The following SMYD3 variants were observed in gnomAD, a reference collection of about 807,000 sequenced individuals.
SMYD3 encodes the protein SET and MYND domain containing 3.
SMYD3 carries 36 observed loss-of-function variants against 57.7 expected under a neutral mutation model. The ratio of observed to expected loss-of-function variants is 0.62; its 90% CI spans 0.48 to 0.82. The LOEUF (loss-of-function observed/expected upper bound fraction) is 0.82, where lower values mean the gene tolerates loss of function less well. Ranked by LOEUF, SMYD3 falls within the 40% of genes least tolerant of loss-of-function variation. The probability of loss-of-function intolerance (pLI) is 0.00; values close to 1 mark genes in which losing one functional copy is unlikely to be tolerated. For synonymous variants in SMYD3, 211 were observed against 195.0 expected (o/e 1.08, Z -0.68); for missense variants, 515 against 538.8 (o/e 0.96, Z 0.44).
At chr1:246,106,050 C>A (rs1337882459) in intron 5 of SMYD3, among the ~76,000 whole-genome samples, 4 of 152,204 alleles carry the variant, frequency 2.6e-5, no homozygotes, top group African/African-American at 9.6e-5. Context: ...AGCTGCCCAG[C>A]ATGCCAGTTT....
rs1215380931 is a variant in SMYD3, at chr1:245,930,160, G to A, written c.532-223C>T. ...TAAGTGCAGAAATACCAACCTCCTG[G>A]GAGAAAAAAAAAAAAAACAGACGGA... On this transcript the variant is annotated intron_variant, in intron 5 of 11. Transcript: ENST00000490107. 1.7e-5 allele frequency: 8 copies of A among 481,306 alleles called. No individual in the cohort carries two copies. In the African/African-American group the frequency reaches 1.9e-4, roughly 12 times the overall value. The allele number at this position is 481,306 out of a possible 1,614,324, so 29.8% of individuals were successfully genotyped here. A position where few individuals can be genotyped will look rare whatever the true frequency, so the allele number is the denominator to read the frequency against.
chr1:245,907,574 G>A (rs2148632128), intron 8 of SMYD3, among the ~76,000 whole-genome samples: 1 of 152,188 alleles, frequency 6.6e-6, no homozygotes, highest in Non-Finnish European at 1.5e-5. Context: ...GGAAAAAGAA[G>A]GGAATCAAAT....
chr1:246,478,369 T>C (rs890946877), intron 1 of SMYD3, among the ~76,000 whole-genome samples: 1 of 151,856 alleles, frequency 6.6e-6, no homozygotes, highest in African/African-American at 2.4e-5. Flanking sequence ...CTGTCCTCTG[T>C]CCTGGAGCTG....
At chr1:246,230,595 G>A (rs775138078) in intron 5 of SMYD3, among the ~76,000 whole-genome samples, 2 of 152,120 alleles carry the variant, frequency 1.3e-5, no homozygotes, top group African/African-American at 2.4e-5. Context: ...AAGTAACTAG[G>A]ACTACAGTCG....
intron 9 of SMYD3, 131 bp downstream of exon 9, chr1:245,863,668 C>T: frequency 1.3e-6 from 1 of 765,210 alleles, no homozygotes. Context: ...CGGCCTGTGA[C>T]CATGGAACAG....
intron 5 of SMYD3, among the ~76,000 whole-genome samples, chr1:246,003,568 C>T (rs936756501): frequency 6.6e-6 from 1 of 152,168 alleles, no homozygotes; most frequent in African/African-American, 2.4e-5. Flanking sequence ...TCTCTTCCCA[C>T]CCCATTTTGA....
intron 1 of SMYD3, among the ~76,000 whole-genome samples, chr1:246,503,819 C>G (rs574220303): frequency 6.6e-6 from 1 of 152,064 alleles, no homozygotes; most frequent in South Asian, 2.1e-4. Context: ...AAAAATTAGC[C>G]AGGCGTGGTC....
chr1:245,846,964 T>C (rs529043704), intron 10 of SMYD3, among the ~76,000 whole-genome samples: 1 of 152,306 alleles, frequency 6.6e-6, no homozygotes, highest in Admixed American at 6.5e-5. Context: ...CCATCATCTG[T>C]TTCCCTCTTT....
At chr1:246,317,001 A>T (rs1036499274) in intron 5 of SMYD3, among the ~76,000 whole-genome samples, 1 of 151,534 alleles carries the variant, frequency 6.6e-6, no homozygotes, top group African/African-American at 2.4e-5. Flanking sequence ...CTCAAAAAAT[A>T]AATAAATAAA....
At chr1:245,811,048 T>G (rs539058757) in intron 10 of SMYD3, among the ~76,000 whole-genome samples, 3 of 152,202 alleles carry the variant, frequency 2.0e-5, no homozygotes, top group African/African-American at 4.8e-5. Flanking sequence ...CATGGCTTCT[T>G]GCCTCTGAAA....
intron 5 of SMYD3, among the ~76,000 whole-genome samples, chr1:246,268,176 C>G (rs1468899748): frequency 6.6e-6 from 1 of 152,020 alleles, no homozygotes; most frequent in African/African-American, 2.4e-5. Context: ...GATGGGAGGT[C>G]GGCACAAGAT....
chr1:246,299,694 A>T (rs1246129773), intron 5 of SMYD3, among the ~76,000 whole-genome samples: 1 of 152,148 alleles, frequency 6.6e-6, no homozygotes, highest in African/African-American at 2.4e-5. Context: ...AAGAACATGG[A>T]TGGAACTGGA....
chr1:246,014,726 T>C (rs2059347205), intron 5 of SMYD3, among the ~76,000 whole-genome samples: 1 of 152,208 alleles, frequency 6.6e-6, no homozygotes, highest in Non-Finnish European at 1.5e-5. Flanking sequence ...CAGAATCCAG[T>C]GTTGGGGCTC....
chr1:246,296,604 T>C (rs921943502), intron 5 of SMYD3, among the ~76,000 whole-genome samples: 1 of 152,114 alleles, frequency 6.6e-6, no homozygotes, highest in African/African-American at 2.4e-5. Context: ...GCCTTGAACA[T>C]TGTGTGTAAT....
rs192491646 is a variant in SMYD3 at position 245,861,275 on chromosome 1, G to T, written c.901+2524C>A. ...ACTACAATTCACTCTGTTCCAGTAC[G>T]GAGCTGAGCTCTAGACCTAGCAGGG... On this transcript the variant is annotated intron_variant, in intron 9 of 11. Coordinates refer to ENST00000490107, the MANE Select transcript of SMYD3 (RefSeq NM_001167740.2). 3.9e-5 allele frequency among the ~76,000 whole-genome samples: 6 copies of T among 152,362 alleles called. No individual in the cohort carries two copies. The East Asian group carries it at 9.6e-4, about 24-fold the overall frequency.
intron 5 of SMYD3, among the ~76,000 whole-genome samples, chr1:246,041,709 T>A (rs904455726): frequency 6.6e-6 from 1 of 151,884 alleles, no homozygotes; most frequent in Non-Finnish European, 1.5e-5. Flanking sequence ...ATCAGAAAAA[T>A]CATGACTTCT....
intron 10 of SMYD3, among the ~76,000 whole-genome samples, chr1:245,765,077 C>CACACAAAAAAAAGAAAAAAAAA (rs554434672): frequency 7.8e-6 from 1 of 128,352 alleles, no homozygotes; most frequent in Admixed American, 8.4e-5. Context: ...CACACACACA[C>CACACAAAAAAAAGAAAAAAAAA]AAAACCACAG....
intron 5 of SMYD3, among the ~76,000 whole-genome samples, chr1:246,082,030 T>A (rs2060645472): frequency 6.6e-6 from 1 of 152,208 alleles, no homozygotes; most frequent in Non-Finnish European, 1.5e-5. Context: ...CGTGACTAAC[T>A]TTATCTTGCT....
chr1:246,298,339 C>G (rs1318986372), intron 5 of SMYD3, among the ~76,000 whole-genome samples: 1 of 147,944 alleles, frequency 6.8e-6, no homozygotes, highest in Non-Finnish European at 1.5e-5. Context: ...AATCTAAATA[C>G]TGAATATTAA....
Sources: allele counts gnomAD v4.1 joint callset (sites outside exome capture counted in the v4.1 genomes callset), GRCh38; gene constraint gnomAD v4.1.1; transcripts MANE v1.5; gene names NCBI Gene and HGNC (gene_info 2026-07-23, HGNC 2026-07-21).